CHN2: variants seen among roughly 807,000 people sequenced by gnomAD.
CHN2 encodes the protein chimerin 2.
A neutral mutation model predicts 56.3 loss-of-function variants in CHN2; 35 were observed. The ratio of observed to expected loss-of-function variants is 0.62; its 90% CI spans 0.47 to 0.82. The LOEUF (loss-of-function observed/expected upper bound fraction) is 0.82. Among genes scored for constraint, CHN2 ranks in the 40% least tolerant of loss-of-function variants. CHN2 has a pLI of 0.00. For missense variants in CHN2, 491 were observed against 580.5 expected (o/e 0.85, Z 1.58); for synonymous variants, 210 against 212.8 (o/e 0.99, Z 0.12).
intron 3 of CHN2, among the ~76,000 whole-genome samples, chr7:29,369,717 C>G (rs1047538940): frequency 4.6e-5 from 7 of 152,136 alleles, no homozygotes; most frequent in African/African-American, 1.7e-4. Flanking sequence ...TATCCTCTTA[C>G]AAACTCTTCC....
At chr7:29,216,291 C>T (rs73307933) in intron 1 of CHN2, among the ~76,000 whole-genome samples, 32 of 152,188 alleles carry the variant, frequency 2.1e-4, no homozygotes, top group African/African-American at 6.5e-4. Context: ...TTGGTAGAGG[C>T]GCTTGGGTAG....
chr7:29,462,842 G>A (rs1057304442), intron 6 of CHN2, among the ~76,000 whole-genome samples: 4 of 151,618 alleles, frequency 2.6e-5, no homozygotes, highest in Non-Finnish European at 5.9e-5. Flanking sequence ...GTATACATGT[G>A]CCATGTTGGT....
In CHN2 at chr7:29,240,840, G is replaced by A. The variant is rs59450248; in HGVS notation, c.49+45850G>A. Among the ~76,000 whole-genome samples, 851 of 134,238 alleles carry A rather than the reference G, an allele frequency of 6.3e-3. 5 individuals carry two copies. Among genetic ancestry groups the A allele is most frequent in the African/African-American group, 0.02 (737 of 37,288 alleles). The allele number at this position is 134,238 out of a possible 152,430, so 88.1% of individuals were successfully genotyped here. A position where few individuals can be genotyped will look rare whatever the true frequency, so the allele number is the denominator to read the frequency against. On this transcript the variant is annotated intron_variant, in intron 1 of 12. Transcript: ENST00000222792. ...CTTCGTCGTCGTCGTCGTCGTCTTC[G>A]TCTTCATCTTCTTCTTTCTTCTTTC... is the stretch of plus-strand genomic sequence containing the variant.
At chr7:29,231,643 G>A (rs967150940) in intron 1 of CHN2, among the ~76,000 whole-genome samples, 1 of 152,134 alleles carries the variant, frequency 6.6e-6, no homozygotes, top group Non-Finnish European at 1.5e-5. Context: ...TTTGGGGGTG[G>A]ATGTTTTCCA....
chr7:29,172,875 C>T (rs1796787388), intron 2 of CHN2, among the ~76,000 whole-genome samples: 1 of 151,812 alleles, frequency 6.6e-6, no homozygotes, highest in African/African-American at 2.4e-5. Flanking sequence ...AGTGTGGTAG[C>T]TCACCAGCGT....
chr7:29,479,354 T>G (rs1280853256), intron 6 of CHN2, among the ~76,000 whole-genome samples: 2 of 152,206 alleles, frequency 1.3e-5, no homozygotes, highest in Non-Finnish European at 2.9e-5. Flanking sequence ...GAGCAGAGTT[T>G]GTTCGTGCAG....
chr7:29,423,437 G>T (rs528698019), intron 6 of CHN2, among the ~76,000 whole-genome samples: 1 of 152,260 alleles, frequency 6.6e-6, no homozygotes, highest in South Asian at 2.1e-4. Context: ...AAGTCTGAAG[G>T]ACCAGCCACA....
At chr7:29,249,223 G>C (rs1562863775) in intron 1 of CHN2, among the ~76,000 whole-genome samples, 1 of 152,198 alleles carries the variant, frequency 6.6e-6, no homozygotes, top group Non-Finnish European at 1.5e-5. Flanking sequence ...CAGAGCCAGG[G>C]ATGCCGATGG....
At chr7:29,266,896 C>T (rs1030981378) in intron 1 of CHN2, among the ~76,000 whole-genome samples, 1 of 152,196 alleles carries the variant, frequency 6.6e-6, no homozygotes, top group African/African-American at 2.4e-5. Context: ...TAGGCTGGGC[C>T]TCTGTCTCCT....
intron 2 of CHN2, among the ~76,000 whole-genome samples, chr7:29,171,463 A>T (rs1237080979): frequency 6.6e-6 from 1 of 152,152 alleles, no homozygotes; most frequent in African/African-American, 2.4e-5. Context: ...CAAGTAAACT[A>T]ATAGGGTGGG....
At chr7:29,268,648 T>C (rs1162623459) in intron 1 of CHN2, among the ~76,000 whole-genome samples, 2 of 152,194 alleles carry the variant, frequency 1.3e-5, no homozygotes, top group African/African-American at 2.4e-5. Context: ...CAGCTTGTAA[T>C]GATCTGTGCT....
At chr7:29,292,984 C>T (rs758271502) in intron 1 of CHN2, 18 of 456,176 alleles carry the variant, frequency 3.9e-5, no homozygotes, top group South Asian at 2.8e-4. Flanking sequence ...TGATGTCACT[C>T]CTCCGTCTTT....
intron 1 of CHN2, among the ~76,000 whole-genome samples, chr7:29,272,156 G>C (rs908498080): frequency 1.3e-5 from 2 of 152,002 alleles, no homozygotes; most frequent in African/African-American, 4.8e-5. Flanking sequence ...GACTGGATGG[G>C]CCGTTCTCCT....
chr7:29,235,028 G>C (rs139958875), intron 1 of CHN2, among the ~76,000 whole-genome samples: 9 of 152,248 alleles, frequency 5.9e-5, no homozygotes, highest in African/African-American at 1.4e-4. Flanking sequence ...TTCCAGGCAT[G>C]GTATTAGGGA....
chr7:29,205,791 C>G (rs1784478031), intron 1 of CHN2, among the ~76,000 whole-genome samples: 1 of 152,074 alleles, frequency 6.6e-6, no homozygotes, highest in Non-Finnish European at 1.5e-5. Flanking sequence ...TATACTTTCC[C>G]ATCTAGAGGA....
chr7:29,411,838 C>T (rs1161509040), intron 6 of CHN2, among the ~76,000 whole-genome samples: 1 of 152,150 alleles, frequency 6.6e-6, no homozygotes, highest in Non-Finnish European at 1.5e-5. Context: ...GCCCTTCAGC[C>T]CGCCCCCGTC....
chr7:29,250,898 C>T (rs538391676), intron 1 of CHN2, among the ~76,000 whole-genome samples: 3 of 152,044 alleles, frequency 2.0e-5, no homozygotes, highest in South Asian at 4.1e-4. Flanking sequence ...TTACTAGAGA[C>T]GAGCTTTCAC....
chr7:29,257,668 G>A (rs923123187), intron 1 of CHN2, among the ~76,000 whole-genome samples: 3 of 152,234 alleles, frequency 2.0e-5, no homozygotes, highest in Non-Finnish European at 4.4e-5. Context: ...TAAACTAGTT[G>A]AAGCAGAGTC....
chr7:29,182,028 A>G (rs1422256475), intron 2 of CHN2, among the ~76,000 whole-genome samples: 3 of 152,214 alleles, frequency 2.0e-5, no homozygotes, highest in African/African-American at 7.2e-5. Context: ...ACTTTTTCTT[A>G]CTTAAATTAT....
Sources: allele counts gnomAD v4.1 joint callset (sites outside exome capture counted in the v4.1 genomes callset), GRCh38; gene constraint gnomAD v4.1.1; transcripts MANE v1.5; gene names NCBI Gene and HGNC (gene_info 2026-07-23, HGNC 2026-07-21).